ATP6V1F: variants seen among roughly 807,000 people sequenced by gnomAD.
The protein encoded by ATP6V1F is V-type proton ATPase subunit F.
A neutral mutation model predicts 6.6 loss-of-function variants in ATP6V1F; 4 were observed. That is an observed-to-expected ratio of 0.60 (90% confidence interval 0.30 to 1.38). ATP6V1F has a LOEUF of 1.38. Ranked by LOEUF, ATP6V1F falls within the 40% of genes most tolerant of loss-of-function variation. The probability of loss-of-function intolerance (pLI) is 0.08; values close to 1 mark genes in which losing one functional copy is unlikely to be tolerated. For missense variants in ATP6V1F, 136 were observed against 165.5 expected (o/e 0.82, Z 0.98); for synonymous variants, 68 against 66.9 (o/e 1.02, Z -0.08).
At position 128,865,445 on chromosome 7, in the gene ATP6V1F, A is replaced by G; in HGVS notation, c.227A>G (p.His76Arg). 2 of 1,614,182 alleles carry G rather than the reference A, an allele frequency of 1.2e-6. No homozygotes were observed. Among genetic ancestry groups the G allele is most frequent in the Non-Finnish European group, 1.7e-6 (2 of 1,180,040 alleles). ...INQYIAEMVRHALDAHQQSIP... is the reference protein window; with the variant it reads ...INQYIAEMVRRALDAHQQSIP... Reference sequence around the variant, plus strand: ...CAGTACATCGCAGAGATGGTGCGGCATGCCCTGGACGCCCACCAGCAGTCC... The same window carrying G: ...CAGTACATCGCAGAGATGGTGCGGCGTGCCCTGGACGCCCACCAGCAGTCC... The change falls in exon 2 of 2, where the codon CAT becomes CGT. Residue 76 changes from histidine (H) to arginine (R), a missense_variant. Transcript: ENST00000249289. This position sits in a 1 kb window ranked among gnomAD's most constrained non-coding sequence, Gnocchi z 4.4.
Position 128,865,650 on chromosome 7 carries a change from A to T in ATP6V1F, c.*72A>T. The T allele has an allele frequency of 6.8e-7, 1 of 1,460,194 alleles. No homozygotes were observed. The highest frequency in any genetic ancestry group is 9.2e-7 in the Non-Finnish European group (1 of 1,081,310). 90.5% of individuals were successfully genotyped at this position (1,460,194 alleles called of 1,614,324 possible). ...CCCAGGCTTGCCATCAGCCTTCTTT[A>T]CTTTTTGAGCCTCTGATTTCCAATT... On this transcript the variant is annotated 3_prime_UTR_variant, in exon 2 of 2. Coordinates refer to ENST00000249289, the MANE Select transcript of ATP6V1F (RefSeq NM_004231.4). This position sits in a 1 kb window ranked among gnomAD's most constrained non-coding sequence, Gnocchi z 4.4.
rs763537679 is a variant in ATP6V1F at position 128,862,943 on chromosome 7, C to G, written c.39C>G (p.Asp13Glu). ...GTAAGCTCATCGCAGTGATCGGAGA[C>G]GAGGACACGGTGACTGGTTTCCTGC... ...GRGKLIAVIGDEDTVTGFLLG... is the reference protein window; with the variant it reads ...GRGKLIAVIGEEDTVTGFLLG... Residue 13 changes from aspartate to glutamate, a missense_variant, in exon 1 of 2, where the codon GAC becomes GAG. Asp to Glu is a conservative substitution (Grantham distance 45). Coordinates refer to ENST00000249289, the MANE Select transcript of ATP6V1F (RefSeq NM_004231.4). The G allele has an allele frequency of 3.1e-6, 5 of 1,612,702 alleles. No homozygotes were observed. The African/African-American group carries it at 6.7e-5, about 22-fold the overall frequency.
intron 1 of ATP6V1F, among the ~76,000 whole-genome samples, chr7:128,864,424 C>G (rs1437334329): frequency 6.6e-6 from 1 of 152,164 alleles, no homozygotes; most frequent in African/African-American, 2.4e-5. Flanking sequence ...TCTTTTTGTG[C>G]AGAAAGTGTG....
Position 128,865,400 on chromosome 7 carries a change from T to C in ATP6V1F, c.182T>C (p.Ile61Thr), listed in dbSNP as rs1809369025. ...TFRQFLNRDD[I>T]GIILINQYIA... ...AGGCAATTTCTAAACCGGGATGACA[T>C]TGGCATCATCCTCATCAACCAGTAC... is the stretch of plus-strand genomic sequence containing the variant. The change falls in exon 2 of 2, where the codon ATT becomes ACT. Residue 61 changes from isoleucine to threonine, a missense_variant. Coordinates refer to ENST00000249289, the MANE Select transcript of ATP6V1F (RefSeq NM_004231.4). The surrounding 1 kb of genome is among the most constrained non-coding windows in gnomAD (Gnocchi z 4.4). 2 of 1,614,020 alleles carry C rather than the reference T, an allele frequency of 1.2e-6. No homozygotes were observed. The highest frequency in any genetic ancestry group is 1.7e-6 in the Non-Finnish European group (2 of 1,180,036).
intron 1 of ATP6V1F, among the ~76,000 whole-genome samples, chr7:128,863,836 C>T (rs1277348336): frequency 6.6e-6 from 1 of 152,222 alleles, no homozygotes; most frequent in Non-Finnish European, 1.5e-5. Flanking sequence ...AGACTGGTTC[C>T]TGCTGCCTGG....
In ATP6V1F at chr7:128,865,075, A is replaced by T; in HGVS notation, c.159-302A>T. 7.0e-7 allele frequency: 1 copy of T among 1,422,610 alleles called. No homozygotes were observed. The highest frequency in any genetic ancestry group is 9.6e-7 in the Non-Finnish European group (1 of 1,043,376). The allele number at this position is 1,422,610 out of a possible 1,614,324, so 88.1% of individuals were successfully genotyped here. On this transcript the variant is annotated intron_variant, in intron 1 of 1. Coordinates refer to ENST00000249289, the MANE Select transcript of ATP6V1F (RefSeq NM_004231.4). This position sits in a 1 kb window ranked among gnomAD's most constrained non-coding sequence, Gnocchi z 4.4. ...CTTCCCCTTTCTGACACATCACTGC[A>T]TATTGAATACACCAGTGTGCACCCT...
chr7:128,864,881 A>AGAGG, intron 1 of ATP6V1F: 3 of 495,584 alleles, frequency 6.1e-6, no homozygotes, highest in Non-Finnish European at 1.1e-5. Context: ...AGAGAGAGAG[A>AGAGG]GAGGGAGATG....
Position 128,862,891 on chromosome 7 carries a change from G to A in ATP6V1F, c.-14G>A, listed in dbSNP as rs774350378. ...CTTCTGGTGCTCTAGGGTGAGCTCT[G>A]CCCGGCTGCAGGGATGGCGGGGAGG... On this transcript the variant is annotated 5_prime_UTR_variant, in exon 1 of 2. Coordinates refer to ENST00000249289, the MANE Select transcript of ATP6V1F (RefSeq NM_004231.4). 1.0e-5 allele frequency: 16 copies of A among 1,581,170 alleles called. No individual in the cohort carries two copies. Among genetic ancestry groups the A allele is most frequent in the Non-Finnish European group, 1.3e-5 (15 of 1,164,654 alleles).
chr7:128,865,564 G>C lies in ATP6V1F; in HGVS notation c.346G>C (p.Glu116Gln), dbSNP rs750400716. The C allele has an allele frequency of 1.2e-5, 20 of 1,613,642 alleles. No individual in the cohort carries two copies. In the South Asian group the frequency reaches 2.2e-4, roughly 18 times the overall value. The change falls in exon 2 of 2, where the codon GAA (glutamate) becomes CAA (glutamine). Residue 116 changes from glutamate (E) to glutamine (Q), a missense_variant. Transcript: ENST00000249289. This position sits in a 1 kb window ranked among gnomAD's most constrained non-coding sequence, Gnocchi z 4.4. ...LRRARGMFTA[E>Q]DLR The stretch of plus-strand genomic sequence containing the variant: ...CAGGGCCAGGGGCATGTTCACTGCC[G>C]AAGACCTGCGCTAGGGGACTCCTCA...
At chr7:128,863,515 A>G (rs979966067) in intron 1 of ATP6V1F, among the ~76,000 whole-genome samples, 11 of 152,210 alleles carry the variant, frequency 7.2e-5, no homozygotes, top group Admixed American at 2.0e-4. Flanking sequence ...CCGGTAAGCC[A>G]GGTACACACT....
In ATP6V1F at chr7:128,862,881, G is replaced by A; in HGVS notation, c.-24G>A. The A allele has an allele frequency of 3.8e-6, 6 of 1,559,992 alleles. No individual in the cohort carries two copies. Among genetic ancestry groups the A allele is most frequent in the South Asian group, 2.4e-5 (2 of 84,630 alleles). ...GTTTCAGTGGCTTCTGGTGCTCTAG[G>A]GTGAGCTCTGCCCGGCTGCAGGGAT... On this transcript the variant is annotated 5_prime_UTR_variant, in exon 1 of 2. Transcript: ENST00000249289.
In ATP6V1F at chr7:128,863,694, C is replaced by T. The variant is rs557016942; in HGVS notation, c.158+632C>T. Among the ~76,000 whole-genome samples the T allele has an allele frequency of 3.9e-5, 6 of 152,284 alleles. No homozygotes were observed. The South Asian group carries it at 1.2e-3, about 32-fold the overall frequency. On this transcript the variant is annotated intron_variant, in intron 1 of 1. Transcript: ENST00000249289. The stretch of plus-strand genomic sequence containing the variant: ...GCATGCTTTTAATCCACCAGGGGTC[C>T]TGGTGACTGGAATTAAGGATACCAG...
At position 128,862,866 on chromosome 7, in the gene ATP6V1F, C is replaced by T. The variant is rs11547837; in HGVS notation, c.-39C>T. On this transcript the variant is annotated 5_prime_UTR_variant, in exon 1 of 2. Transcript: ENST00000249289. ...TACGGCGGAGGCGGGGTTTCAGTGGCTTCTGGTGCTCTAGGGTGAGCTCTG... is the reference window on the plus strand; with the variant it reads ...TACGGCGGAGGCGGGGTTTCAGTGGTTTCTGGTGCTCTAGGGTGAGCTCTG... 3,683 of 1,498,300 alleles carry T rather than the reference C, an allele frequency of 2.5e-3. 16 individuals carry two copies. Among genetic ancestry groups the T allele is most frequent in the Non-Finnish European group, 2.2e-3 (2,434 of 1,122,438 alleles). The allele number at this position is 1,498,300 out of a possible 1,614,324, so 92.8% of individuals were successfully genotyped here.
chr7:128,865,475 C>T lies in ATP6V1F; in HGVS notation c.257C>T (p.Pro86Leu), dbSNP rs764370193. ...HALDAHQQSI[P>L]AVLEIPSKEH... Reference sequence around the variant, plus strand: ...CTGGACGCCCACCAGCAGTCCATCCCCGCTGTCCTGGAGATCCCCTCCAAG... The same window carrying T: ...CTGGACGCCCACCAGCAGTCCATCCTCGCTGTCCTGGAGATCCCCTCCAAG... Residue 86 changes from proline to leucine, a missense_variant, in exon 2 of 2, where the codon CCC becomes CTC. Transcript: ENST00000249289. The surrounding 1 kb of genome is among the most constrained non-coding windows in gnomAD (Gnocchi z 4.4). 6.2e-7 allele frequency: 1 copy of T among 1,614,176 alleles called. No individual in the cohort carries two copies. The highest frequency in any genetic ancestry group is 2.2e-5 in the East Asian group (1 of 44,886).
chr7:128,863,738 A>C (rs1396243562), intron 1 of ATP6V1F, among the ~76,000 whole-genome samples: 1 of 152,006 alleles, frequency 6.6e-6, no homozygotes, highest in East Asian at 1.9e-4. Flanking sequence ...TTTATTCCTC[A>C]CCCCTTCTCC....
chr7:128,864,903 A>C, intron 1 of ATP6V1F: 3 of 540,482 alleles, frequency 5.6e-6, no homozygotes, highest in African/African-American at 1.9e-5. Context: ...GGGTCTCACT[A>C]TGTGGCCCAT....
intron 1 of ATP6V1F, chr7:128,864,921 T>G (rs1490424914): frequency 2.3e-5 from 13 of 575,506 alleles, no homozygotes; most frequent in Non-Finnish European, 4.1e-5. Context: ...CATTCTGGTC[T>G]CAAACTCCTG....
chr7:128,865,124 C>T lies in ATP6V1F; in HGVS notation c.159-253C>T. On this transcript the variant is annotated intron_variant, in intron 1 of 1. Coordinates refer to ENST00000249289, the MANE Select transcript of ATP6V1F (RefSeq NM_004231.4). This position sits in a 1 kb window ranked among gnomAD's most constrained non-coding sequence, Gnocchi z 4.4. ...CTAATCAATCTTCATTACCAGTTCA[C>T]TTGGAAGCCTTCCGGGCAGTGTTGT... 4 of 1,536,206 alleles carry T rather than the reference C, an allele frequency of 2.6e-6. No homozygotes were observed. The highest frequency in any genetic ancestry group is 3.5e-6 in the Non-Finnish European group (4 of 1,146,870).
chr7:128,864,837 A>ATTT (rs56350234), intron 1 of ATP6V1F: 58 of 351,590 alleles, frequency 1.6e-4, no homozygotes, highest in South Asian at 4.3e-4. Context: ...ACATCCAGCC[A>ATTT]TTTTTTTGTG....
Sources: allele counts gnomAD v4.1 joint callset (sites outside exome capture counted in the v4.1 genomes callset), GRCh38; gene constraint gnomAD v4.1.1; non-coding constraint Gnocchi (gnomAD v3.1); transcripts MANE v1.5; gene names NCBI Gene and HGNC (gene_info 2026-07-23, HGNC 2026-07-21).